FYB1: variants seen among roughly 807,000 people sequenced by gnomAD.
The protein encoded by FYB1 is FYN-binding protein 1.
In FYB1, 41 loss-of-function variants were observed where a neutral mutation model predicts 94.1. The observed-to-expected ratio is 0.44, with a 90% CI of 0.34 to 0.57. The LOEUF (loss-of-function observed/expected upper bound fraction) is 0.57. FYB1 is among the 20% of genes least tolerant of loss of function. The pLI is 0.02. For synonymous variants in FYB1, 367 were observed against 353.2 expected (o/e 1.04, Z -0.44); for missense variants, 1,050 against 976.8 (o/e 1.07, Z -1.00).
chr5:39,185,349 C>T (rs1382872106), intron 2 of FYB1, among the ~76,000 whole-genome samples: 3 of 151,532 alleles, frequency 2.0e-5, no homozygotes, highest in Non-Finnish European at 2.9e-5. Context: ...TAAGATAACC[C>T]ATTATTTTTC....
chr5:39,176,787 T>A (rs1015704440), intron 2 of FYB1, among the ~76,000 whole-genome samples: 1 of 152,252 alleles, frequency 6.6e-6, no homozygotes, highest in Non-Finnish European at 1.5e-5. Context: ...CCTGATTTTC[T>A]GAGTGAAGTT....
At chr5:39,192,200 A>C (rs1443072062) in intron 2 of FYB1, among the ~76,000 whole-genome samples, 3 of 152,246 alleles carry the variant, frequency 2.0e-5, no homozygotes, top group Non-Finnish European at 4.4e-5. Flanking sequence ...GTGTATGCAC[A>C]ATCGAAAGGA....
At chr5:39,171,112 A>G (rs564660544) in intron 2 of FYB1, among the ~76,000 whole-genome samples, 100 of 151,964 alleles carry the variant, frequency 6.6e-4, no homozygotes, top group African/African-American at 2.4e-3. Flanking sequence ...ACATGGTGAA[A>G]CCCCGTCTCT....
chr5:39,179,986 C>G (rs1440247345), intron 2 of FYB1, among the ~76,000 whole-genome samples: 1 of 152,126 alleles, frequency 6.6e-6, no homozygotes, highest in African/African-American at 2.4e-5. Flanking sequence ...CACCCAGTAC[C>G]CCATATTCTC....
At chr5:39,113,033 T>A (rs2150261318) in intron 16 of FYB1, among the ~76,000 whole-genome samples, 1 of 152,298 alleles carries the variant, frequency 6.6e-6, no homozygotes, top group East Asian at 1.9e-4. Context: ...GGTAAATGAC[T>A]TTTAATACAG....
At chr5:39,131,335 T>C (rs1379854960) in intron 9 of FYB1, among the ~76,000 whole-genome samples, 1 of 152,124 alleles carries the variant, frequency 6.6e-6, no homozygotes, top group South Asian at 2.1e-4. Flanking sequence ...ATTCCCTCAT[T>C]ATACAGAAAA....
At chr5:39,267,823 G>A (rs977860964) in intron 1 of FYB1, among the ~76,000 whole-genome samples, 5 of 152,094 alleles carry the variant, frequency 3.3e-5, no homozygotes, top group African/African-American at 9.7e-5. Flanking sequence ...ATATATGTAG[G>A]TTTTCACCTG....
rs143602973 is a variant in FYB1 at position 39,241,729 on chromosome 5, A to G, written c.-28+32674T>C. 8.2e-3 allele frequency among the ~76,000 whole-genome samples: 1,244 copies of G among 152,174 alleles called. 20 individuals are homozygous for G. The highest frequency in any genetic ancestry group is 0.028 in the African/African-American group (1,182 of 41,518). ...ATGCACAATGCTACATATGATACAGACCACTCCTAGTGGGAAATCCACCTG... is the reference window on the plus strand; with the variant it reads ...ATGCACAATGCTACATATGATACAGGCCACTCCTAGTGGGAAATCCACCTG... On this transcript the variant is annotated intron_variant, in intron 1 of 1. Transcript: ENST00000510188.
intron 1 of FYB1, among the ~76,000 whole-genome samples, chr5:39,229,293 A>G (rs1750618595): frequency 6.6e-6 from 1 of 152,188 alleles, no homozygotes; most frequent in South Asian, 2.1e-4. Flanking sequence ...AGTGCAGACA[A>G]CAAGCTGCTT....
In FYB1 at chr5:39,219,537, G is replaced by T. The variant is rs1750131986; in HGVS notation, c.-122C>A. 6.1e-6 allele frequency: 6 copies of T among 985,438 alleles called. No homozygotes were observed. Among genetic ancestry groups the T allele is most frequent in the Non-Finnish European group, 7.2e-6 (6 of 829,936 alleles). The allele number at this position is 985,438 out of a possible 1,614,324, so 61.0% of individuals were successfully genotyped here. A position where few individuals can be genotyped will look rare whatever the true frequency, so the allele number is the denominator to read the frequency against. On this transcript the variant is annotated 5_prime_UTR_variant, in exon 1 of 19. Transcript: ENST00000512982. The stretch of plus-strand genomic sequence containing the variant: ...CTACTCACTTCTAGCTGTCGCATCT[G>T]CTCTGCATGTGGAACTCAAGAACTG...
chr5:39,268,544 G>GT (rs1047926005), intron 1 of FYB1, among the ~76,000 whole-genome samples: 7 of 151,648 alleles, frequency 4.6e-5, no homozygotes, highest in Admixed American at 1.3e-4. Flanking sequence ...TTTCTAAGAA[G>GT]TTTTTTTTGA....
chr5:39,238,008 A>G (rs895364514), intron 1 of FYB1, among the ~76,000 whole-genome samples: 17 of 152,118 alleles, frequency 1.1e-4, no homozygotes, highest in African/African-American at 4.1e-4. Context: ...CAAGTATGGG[A>G]GGAATAGCTA....
At chr5:39,170,216 T>C (rs572929847) in intron 2 of FYB1, 2 of 862,966 alleles carry the variant, frequency 2.3e-6, no homozygotes, top group African/African-American at 1.7e-5. Flanking sequence ...TCAGTATTTT[T>C]GCTATATATG....
intron 1 of FYB1, among the ~76,000 whole-genome samples, chr5:39,203,692 A>G (rs1330164511): frequency 6.6e-6 from 1 of 152,192 alleles, no homozygotes; most frequent in Non-Finnish European, 1.5e-5. Context: ...TTTAGAGGTT[A>G]TGGTCTGGAG....
chr5:39,153,335 C>A, intron 3 of FYB1, 113 bp downstream of exon 3: 1 of 1,333,462 alleles, frequency 7.5e-7, no homozygotes, highest in Non-Finnish European at 1.1e-6. Context: ...GCCAGCTGCC[C>A]ACTTTTGTAG....
intron 2 of FYB1, among the ~76,000 whole-genome samples, chr5:39,155,461 A>C (rs1446036495): frequency 1.3e-5 from 2 of 152,152 alleles, no homozygotes; most frequent in African/African-American, 2.4e-5. Flanking sequence ...AAAAATTCCA[A>C]CTCAAGATAT....
chr5:39,172,407 C>T (rs1745330496), intron 2 of FYB1, among the ~76,000 whole-genome samples: 1 of 151,892 alleles, frequency 6.6e-6, no homozygotes, highest in Admixed American at 6.6e-5. Flanking sequence ...GATCATGCCA[C>T]TCCATGCTAG....
intron 1 of FYB1, among the ~76,000 whole-genome samples, chr5:39,247,350 G>T (rs1354569711): frequency 6.6e-6 from 1 of 151,266 alleles, no homozygotes; most frequent in Non-Finnish European, 1.5e-5. Context: ...TAACATACGG[G>T]GTATATATGG....
chr5:39,217,227 T>G (rs367968492), intron 1 of FYB1, among the ~76,000 whole-genome samples: 1 of 152,210 alleles, frequency 6.6e-6, no homozygotes, highest in South Asian at 2.1e-4. Context: ...GCCTTAAAGG[T>G]AGAACAATTT....
Sources: gnomAD v4.1 joint callset for allele counts (sites outside exome capture counted in the v4.1 genomes callset) on GRCh38, gnomAD v4.1.1 for gene constraint, MANE v1.5 for transcripts, NCBI Gene and HGNC (gene_info 2026-07-23, HGNC 2026-07-21) for gene names.